The following ATRNL1 variants were observed in gnomAD, a reference collection of about 807,000 sequenced individuals.
The protein encoded by ATRNL1 is attractin like 1.
ATRNL1 carries 95 observed loss-of-function variants against 182.7 expected under a neutral mutation model. The observed-to-expected ratio is 0.52, with a 90% CI of 0.44 to 0.62. ATRNL1 has a LOEUF of 0.62. Among genes scored for constraint, ATRNL1 ranks in the 20% least tolerant of loss-of-function variants. ATRNL1 has a pLI of 0.00. For missense variants in ATRNL1, 1,471 were observed against 1,679.5 expected, an observed-to-expected ratio of 0.88 and a Z score of 2.17; for synonymous variants, 576 against 568.3, an observed-to-expected ratio of 1.01 and a Z score of -0.19.
chr10:115,774,671 A>T (rs1413363643), intron 27 of ATRNL1, among the ~76,000 whole-genome samples: 4 of 152,154 alleles, frequency 2.6e-5, no homozygotes, highest in Non-Finnish European at 4.4e-5. Context: ...ACCGTCCAAC[A>T]ATAAGATACG....
intron 19 of ATRNL1, among the ~76,000 whole-genome samples, chr10:115,347,080 G>A (rs1177280554): frequency 2.0e-5 from 3 of 152,060 alleles, no homozygotes; most frequent in Admixed American, 6.6e-5. Flanking sequence ...TTAGGAATAT[G>A]TTCCCCTTTA....
chr10:115,477,887 A>G (rs1183757289), intron 24 of ATRNL1, among the ~76,000 whole-genome samples: 2 of 151,716 alleles, frequency 1.3e-5, no homozygotes, highest in Non-Finnish European at 2.9e-5. Flanking sequence ...AGTGAATTAT[A>G]TGTAACATTT....
At chr10:115,226,415 A>G (rs189665566) in intron 9 of ATRNL1, among the ~76,000 whole-genome samples, 57 of 152,214 alleles carry the variant, frequency 3.7e-4, no homozygotes, top group African/African-American at 1.3e-3. Flanking sequence ...AACTATATTT[A>G]TATGTCTAAA....
intron 28 of ATRNL1, among the ~76,000 whole-genome samples, chr10:115,888,762 G>T (rs1267097886): frequency 6.6e-6 from 1 of 152,162 alleles, no homozygotes; most frequent in South Asian, 2.1e-4. Flanking sequence ...TCTTCATCCA[G>T]TGACTTGACG....
intron 26 of ATRNL1, among the ~76,000 whole-genome samples, chr10:115,683,553 T>TTG (rs1555045386): frequency 1.4e-5 from 2 of 147,190 alleles, no homozygotes; most frequent in Non-Finnish European, 3.0e-5. Context: ...CTAGCGTTTT[T>TTG]TTTTTTTTTT....
chr10:115,678,394 G>A (rs1555043718), intron 26 of ATRNL1, among the ~76,000 whole-genome samples: 1 of 152,048 alleles, frequency 6.6e-6, no homozygotes, highest in African/African-American at 2.4e-5. Context: ...AATTGATTAT[G>A]AAATGAACTC....
chr10:115,775,217 A>T (rs1555077569), intron 27 of ATRNL1, among the ~76,000 whole-genome samples: 1 of 152,200 alleles, frequency 6.6e-6, no homozygotes, highest in African/African-American at 2.4e-5. Flanking sequence ...TTAGCTTGTC[A>T]GTTTACTGGC....
At chr10:115,401,685 C>T (rs1844570915) in intron 20 of ATRNL1, among the ~76,000 whole-genome samples, 1 of 151,990 alleles carries the variant, frequency 6.6e-6, no homozygotes, top group Non-Finnish European at 1.5e-5. Flanking sequence ...TGTAAAAAGA[C>T]TGTAGAGACT....
intron 19 of ATRNL1, among the ~76,000 whole-genome samples, chr10:115,363,248 G>T (rs1554944883): frequency 6.6e-6 from 1 of 152,138 alleles, no homozygotes; most frequent in Admixed American, 6.5e-5. Context: ...TTGTGGTTTT[G>T]ATTTGCATTT....
chr10:115,518,942 G>A (rs1366610397), intron 24 of ATRNL1, among the ~76,000 whole-genome samples: 1 of 151,902 alleles, frequency 6.6e-6, no homozygotes, highest in African/African-American at 2.4e-5. Flanking sequence ...TTTCTTAGCT[G>A]AGTTGAAATG....
intron 9 of ATRNL1, among the ~76,000 whole-genome samples, chr10:115,223,365 AC>A (rs1206193048): frequency 6.6e-6 from 1 of 152,230 alleles, no homozygotes; most frequent in East Asian, 1.9e-4. Context: ...GGATATAAAA[AC>A]AAAACTTAGC....
chr10:115,448,151 A>AC (rs1406272737), intron 21 of ATRNL1, among the ~76,000 whole-genome samples: 1 of 152,012 alleles, frequency 6.6e-6, no homozygotes, highest in Non-Finnish European at 1.5e-5. Flanking sequence ...CTGGATATTA[A>AC]TTTTTTGTTC....
rs79989815 is a variant in ATRNL1, at chr10:115,855,704, A to G, written c.4018+7713A>G. Among the ~76,000 whole-genome samples, 534 of 152,312 alleles carry G rather than the reference A, an allele frequency of 3.5e-3. 3 individuals are homozygous for G. The highest frequency in any genetic ancestry group is 0.012 in the African/African-American group (514 of 41,578). ...ATAGACTGGATTTTGTGTTTTTATA[A>G]TTCATGTAGGATGGATCAAGCTACA... On this transcript the variant is annotated intron_variant, in intron 28 of 28. Transcript: ENST00000355044.
intron 21 of ATRNL1, among the ~76,000 whole-genome samples, chr10:115,440,029 C>G (rs1846592968): frequency 6.6e-6 from 1 of 151,760 alleles, no homozygotes; most frequent in South Asian, 2.1e-4. Context: ...GGTATGAACT[C>G]ATGGATATCT....
chr10:115,877,417 A>T (rs189787142), intron 28 of ATRNL1, among the ~76,000 whole-genome samples: 1 of 152,334 alleles, frequency 6.6e-6, no homozygotes, highest in East Asian at 1.9e-4. Context: ...GCTCAAACCA[A>T]GTCCATCTAT....
At chr10:115,193,327 C>T (rs191203425) in intron 8 of ATRNL1, among the ~76,000 whole-genome samples, 104 of 152,022 alleles carry the variant, frequency 6.8e-4, no homozygotes, top group Non-Finnish European at 5.2e-4. Context: ...TATGATTTTT[C>T]TCTTCATTCT....
intron 27 of ATRNL1, among the ~76,000 whole-genome samples, chr10:115,780,339 C>G (rs1555079020): frequency 6.6e-6 from 1 of 152,200 alleles, no homozygotes; most frequent in African/African-American, 2.4e-5. Flanking sequence ...ACACCACAGG[C>G]TAAAGTGCTC....
At chr10:115,941,640 GTAT>G (rs758543551) in intron 28 of ATRNL1, among the ~76,000 whole-genome samples, 3 of 152,162 alleles carry the variant, frequency 2.0e-5, no homozygotes, top group Non-Finnish European at 4.4e-5. Context: ...AAGGAGACAT[GTAT>G]TATTTGTCAT....
chr10:115,763,103 T>G (rs1948772608), intron 27 of ATRNL1, among the ~76,000 whole-genome samples: 1 of 152,176 alleles, frequency 6.6e-6, no homozygotes, highest in Non-Finnish European at 1.5e-5. Context: ...ATCAGTGAGT[T>G]TTTTTGTTTT....
Sources: gnomAD v4.1 joint callset for allele counts (sites outside exome capture counted in the v4.1 genomes callset) on GRCh38, gnomAD v4.1.1 for gene constraint, MANE v1.5 for transcripts, NCBI Gene and HGNC (gene_info 2026-07-23, HGNC 2026-07-21) for gene names.